Variants in PHF21A observed in about 807,000 individuals in gnomAD.
The protein encoded by PHF21A is BHC80a.
In PHF21A, 11 loss-of-function variants were observed where a neutral mutation model predicts 82.5. The ratio of observed to expected loss-of-function variants is 0.13; its 90% confidence interval spans 0.08 to 0.22. The LOEUF (loss-of-function observed/expected upper bound fraction) is 0.22. Ranked by LOEUF, PHF21A falls within the 10% of genes least tolerant of loss-of-function variation. The pLI, the probability that PHF21A is intolerant of heterozygous loss-of-function variation, is 1.00. For missense variants in PHF21A, 579 were observed against 837.8 expected (o/e 0.69, Z 3.81); for synonymous variants, 297 against 302.8 (o/e 0.98, Z 0.20).
At chr11:46,017,494 G>A (rs2137661527) in intron 6 of PHF21A, among the ~76,000 whole-genome samples, 1 of 151,988 alleles carries the variant, frequency 6.6e-6, no homozygotes, top group Middle Eastern at 3.4e-3. Context: ...TCTCCCTGTG[G>A]TGGTAGGAAG....
chr11:46,020,250 G>A (rs2095602522), intron 6 of PHF21A, among the ~76,000 whole-genome samples: 1 of 152,080 alleles, frequency 6.6e-6, no homozygotes, highest in Admixed American at 6.5e-5. Context: ...TCTCAGACAT[G>A]GCATTTCATT....
At chr11:46,062,749 A>G (rs2096551017) in intron 6 of PHF21A, among the ~76,000 whole-genome samples, 1 of 152,234 alleles carries the variant, frequency 6.6e-6, no homozygotes, top group African/African-American at 2.4e-5. Context: ...ATCACTTTGG[A>G]AAACATTTTG....
Position 45,949,458 on chromosome 11 carries a change from G to T in PHF21A, c.1171C>A (p.Arg391=). 7.4e-6 allele frequency: 12 copies of T among 1,614,104 alleles called. No homozygotes were observed. The highest frequency in any genetic ancestry group is 1.0e-5 in the Non-Finnish European group (12 of 1,179,958). ...LEEIQSKRQE[R]KRRTTANPVY... ...GGATTTGCTGTTGTTCTTCTTTTTC[G>T]CTCTTGCCTCTTGCTTTGGATTTCT... Residue 391 remains arginine (R), a synonymous_variant, in exon 13 of 19, where the codon CGA becomes AGA. Transcript: ENST00000676320.
At position 46,094,435 on chromosome 11, in the gene PHF21A, C is replaced by T. The variant is rs578189874; in HGVS notation, c.-236-2212G>A. Among the ~76,000 whole-genome samples the T allele has an allele frequency of 2.6e-5, 4 of 152,228 alleles. No individual in the cohort carries two copies. The South Asian group carries it at 6.2e-4, about 24-fold the overall frequency. On this transcript the variant is annotated intron_variant, in intron 1 of 18. Transcript: ENST00000676320. The stretch of plus-strand genomic sequence containing the variant: ...GAAGCTGGAGAAGAGCTTATGGGCC[C>T]GAGATTCCTTGGCTGAGTTCATTTT...
At position 45,943,149 on chromosome 11, in the gene PHF21A, G is replaced by T. The variant is rs560053105; in HGVS notation, c.1452+2691C>A. On this transcript the variant is annotated intron_variant, in intron 15 of 18. Transcript: ENST00000676320. Reference sequence around the variant, plus strand: ...TTTTTTTTTTTTTTTTTGAGACAGGGTCTTGTTCTGTCACCCAGGCCGGAG... The same window carrying T: ...TTTTTTTTTTTTTTTTTGAGACAGGTTCTTGTTCTGTCACCCAGGCCGGAG... Among the ~76,000 whole-genome samples the T allele has an allele frequency of 8.5e-3, 1,194 of 140,204 alleles. 7 individuals are homozygous for T. The highest frequency in any genetic ancestry group is 0.014 in the Non-Finnish European group (924 of 65,352). 92.0% of individuals were successfully genotyped at this position (140,204 alleles called of 152,430 possible). A position where few individuals can be genotyped will look rare whatever the true frequency, so the allele number is the denominator to read the frequency against.
chr11:45,953,722 A>G (rs1426381161), intron 10 of PHF21A, 97 bp from the exon 11 acceptor site: 1 of 737,088 alleles, frequency 1.4e-6, no homozygotes, highest in Admixed American at 2.3e-5. Flanking sequence ...AAGAAAGAAG[A>G]CAACATATTC....
chr11:46,120,056 T>A (rs1222990533), intron 1 of PHF21A, among the ~76,000 whole-genome samples: 1 of 148,786 alleles, frequency 6.7e-6, no homozygotes, highest in Non-Finnish European at 1.5e-5. Context: ...GAATAACAAG[T>A]TGCAGAAGAA....
intron 6 of PHF21A, among the ~76,000 whole-genome samples, chr11:46,025,076 T>A (rs541714597): frequency 3.3e-5 from 5 of 152,246 alleles, no homozygotes; most frequent in South Asian, 2.1e-4. Context: ...CTAGAAACTT[T>A]ATGAAAATAA....
intron 10 of PHF21A, among the ~76,000 whole-genome samples, chr11:45,958,730 A>T (rs2092888435): frequency 6.6e-6 from 1 of 152,108 alleles, no homozygotes; most frequent in Non-Finnish European, 1.5e-5. Context: ...AGCCTGGGCA[A>T]GAAAGTGAGA....
At position 46,021,851 on chromosome 11, in the gene PHF21A, G is replaced by T. The variant is rs1325518521; in HGVS notation, c.154-41885C>A. On this transcript the variant is annotated intron_variant, in intron 6 of 18. Transcript: ENST00000676320. Reference sequence around the variant, plus strand: ...TTATAGGCATGAGCCACCATGCCTGGCCACTTATCTTCTTTGAATTCACAT... The same window carrying T: ...TTATAGGCATGAGCCACCATGCCTGTCCACTTATCTTCTTTGAATTCACAT... Among the ~76,000 whole-genome samples the T allele has an allele frequency of 2.0e-5, 3 of 152,098 alleles. No homozygotes were observed. In the East Asian group the frequency reaches 5.8e-4, roughly 29 times the overall value.
chr11:45,935,197 G>C (rs1482649243), intron 18 of PHF21A: 1 of 1,290,754 alleles, frequency 7.7e-7, no homozygotes, highest in Non-Finnish European at 1.0e-6. Context: ...GCATGGTGTG[G>C]AAGAAAGAGC....
chr11:45,934,394 T>A, intron 18 of PHF21A, 169 bp from the exon 19 acceptor site: 2 of 635,900 alleles, frequency 3.1e-6, no homozygotes, highest in Non-Finnish European at 5.4e-6. Context: ...GGCTACCACC[T>A]AAGGAACAGG....
intron 10 of PHF21A, among the ~76,000 whole-genome samples, chr11:45,962,852 C>T (rs1403756969): frequency 6.6e-6 from 1 of 151,708 alleles, no homozygotes; most frequent in Non-Finnish European, 1.5e-5. Flanking sequence ...GGGATCGTGC[C>T]ACTGCACTCC....
intron 15 of PHF21A, among the ~76,000 whole-genome samples, chr11:45,942,787 G>A (rs2090594774): frequency 6.6e-6 from 1 of 152,050 alleles, no homozygotes; most frequent in Non-Finnish European, 1.5e-5. Context: ...CTTGGAGAGG[G>A]GTGTGCCACT....
At chr11:45,992,653 G>C (rs1345786106) in intron 6 of PHF21A, among the ~76,000 whole-genome samples, 1 of 152,210 alleles carries the variant, frequency 6.6e-6, no homozygotes, top group Non-Finnish European at 1.5e-5. Flanking sequence ...TAATGGAAGA[G>C]CTGGGATGTG....
intron 6 of PHF21A, among the ~76,000 whole-genome samples, chr11:45,981,113 C>T (rs899669293): frequency 1.3e-5 from 2 of 151,856 alleles, no homozygotes; most frequent in Admixed American, 6.6e-5. Context: ...TGGCCCAACA[C>T]GGTGGCTCAT....
At chr11:46,026,342 CAT>C (rs1344075400) in intron 6 of PHF21A, among the ~76,000 whole-genome samples, 1 of 152,082 alleles carries the variant, frequency 6.6e-6, no homozygotes, top group African/African-American at 2.4e-5. Flanking sequence ...GCAGACAATC[CAT>C]GATGTAGATG....
At chr11:46,108,070 T>C (rs1033344415) in intron 1 of PHF21A, among the ~76,000 whole-genome samples, 22 of 152,208 alleles carry the variant, frequency 1.4e-4, no homozygotes, top group Admixed American at 1.2e-3. Flanking sequence ...ATCTTGGTTT[T>C]AAAATCCTAC....
chr11:46,045,226 G>A (rs2096238678), intron 6 of PHF21A, among the ~76,000 whole-genome samples: 1 of 152,090 alleles, frequency 6.6e-6, no homozygotes, highest in African/African-American at 2.4e-5. Context: ...TATACCACAT[G>A]CTAACTCTTC....
Sources: gnomAD v4.1 joint callset for allele counts (sites outside exome capture counted in the v4.1 genomes callset) on GRCh38, gnomAD v4.1.1 for gene constraint, MANE v1.5 for transcripts, NCBI Gene and HGNC (gene_info 2026-07-23, HGNC 2026-07-21) for gene names.